The following ENTREP2 variants were observed in gnomAD, a reference collection of about 807,000 sequenced individuals.
ENTREP2 encodes the protein endosomal transmembrane epsin interactor 2, also known as protein ENTREP2.
At chr15:29,372,845 C>T in the ENTREP2 span, among the ~76,000 whole-genome samples, 1 of 151,944 alleles carries the variant, frequency 6.6e-6, no homozygotes, top group Non-Finnish European at 1.5e-5. Flanking sequence ...TGGTGGAAAA[C>T]ATTTCAAATG....
the ENTREP2 span, among the ~76,000 whole-genome samples, chr15:29,129,767 A>G: frequency 1.3e-5 from 2 of 152,128 alleles, no homozygotes; most frequent in Non-Finnish European, 2.9e-5. Context: ...TGCGTGGGCC[A>G]TGGTTTCCAC....
chr15:29,544,596 G>A, the ENTREP2 span, among the ~76,000 whole-genome samples: 1 of 152,274 alleles, frequency 6.6e-6, no homozygotes, highest in South Asian at 2.1e-4. Flanking sequence ...CTGGTCAGCA[G>A]GAAAAAGCTG....
the ENTREP2 span, among the ~76,000 whole-genome samples, chr15:29,562,287 G>A: frequency 6.6e-6 from 1 of 152,202 alleles, no homozygotes; most frequent in East Asian, 1.9e-4. Context: ...TCTACAGATT[G>A]GATAACAATG....
chr15:29,358,619 T>G, the ENTREP2 span, among the ~76,000 whole-genome samples: 1 of 152,136 alleles, frequency 6.6e-6, no homozygotes, highest in Non-Finnish European at 1.5e-5. Context: ...TAATAAATAT[T>G]TCCTAATTTA....
At chr15:29,482,270 A>G in the ENTREP2 span, among the ~76,000 whole-genome samples, 462 of 150,596 alleles carry the variant, frequency 3.1e-3, 2 homozygotes, top group African/African-American at 0.011. Flanking sequence ...TCAGCCTCCC[A>G]AAGTGCTGAG....
At chr15:29,466,319 G>A in the ENTREP2 span, among the ~76,000 whole-genome samples, 1 of 152,210 alleles carries the variant, frequency 6.6e-6, no homozygotes, top group Non-Finnish European at 1.5e-5. Flanking sequence ...GGTGGAGATG[G>A]TCAGCAGAGA....
the ENTREP2 span, among the ~76,000 whole-genome samples, chr15:29,425,806 CTA>C: frequency 8.6e-5 from 13 of 151,898 alleles, no homozygotes; most frequent in Non-Finnish European, 1.6e-4. Flanking sequence ...GCATAGATAT[CTA>C]TAGTCTCTAT....
At chr15:29,454,715 C>T in the ENTREP2 span, among the ~76,000 whole-genome samples, 75 of 152,300 alleles carry the variant, frequency 4.9e-4, no homozygotes, top group African/African-American at 1.8e-3. Context: ...ACGGAGTGAG[C>T]TTGGAGGTAG....
chr15:29,269,777 CCGCTAACGCCGGTGCCTGGAGGCGCG>C, the ENTREP2 span: 48 of 1,352,736 alleles, frequency 3.5e-5, no homozygotes, highest in South Asian at 7.7e-4. Flanking sequence ...GGTCGGCGAC[CCGCTAACGCCGGTGCCTGGAGGCGCG>C]CGCAGTGTCG....
chr15:29,470,532 C>T, the ENTREP2 span, among the ~76,000 whole-genome samples: 5 of 152,232 alleles, frequency 3.3e-5, no homozygotes, highest in Admixed American at 6.5e-5. Context: ...TCCTTCACCG[C>T]GGCTGCCGCT....
At chr15:29,135,365 G>A in the ENTREP2 span, among the ~76,000 whole-genome samples, 1 of 152,058 alleles carries the variant, frequency 6.6e-6, no homozygotes, top group Non-Finnish European at 1.5e-5. This position sits in a 1 kb window ranked among gnomAD's most constrained non-coding sequence, Gnocchi z 7.4. Flanking sequence ...GTATTTCAGG[G>A]ACACCAGTGA....
the ENTREP2 span, among the ~76,000 whole-genome samples, chr15:29,658,672 A>G: frequency 1.3e-5 from 2 of 152,236 alleles, no homozygotes; most frequent in African/African-American, 4.8e-5. Flanking sequence ...TCTACTCAAT[A>G]CAACACCCAA....
the ENTREP2 span, among the ~76,000 whole-genome samples, chr15:29,479,972 G>C: frequency 1.3e-5 from 2 of 152,072 alleles, no homozygotes; most frequent in African/African-American, 4.8e-5. Context: ...TGGAACCTCT[G>C]CATCAACAGA....
At chr15:29,164,374 T>C in the ENTREP2 span, among the ~76,000 whole-genome samples, 1 of 152,180 alleles carries the variant, frequency 6.6e-6, no homozygotes, top group African/African-American at 2.4e-5. Context: ...CTAAATGCTC[T>C]ACTTTAAGGA....
At chr15:29,542,424 G>C in the ENTREP2 span, among the ~76,000 whole-genome samples, 9 of 151,830 alleles carry the variant, frequency 5.9e-5, no homozygotes, top group African/African-American at 2.2e-4. Context: ...TCAGCTTCCC[G>C]AGTAGCTGGG....
the ENTREP2 span, chr15:29,570,515 G>A: frequency 2.1e-6 from 3 of 1,410,618 alleles, no homozygotes; most frequent in Non-Finnish European, 2.8e-6. Flanking sequence ...CGAGAAGCCT[G>A]CCCAGAAGGG....
chr15:29,432,327 G>A, the ENTREP2 span, among the ~76,000 whole-genome samples: 7 of 152,028 alleles, frequency 4.6e-5, no homozygotes, highest in South Asian at 2.1e-4. Context: ...TGTCTGCCCC[G>A]CACGCCTGCC....
At chr15:29,529,017 C>A in the ENTREP2 span, among the ~76,000 whole-genome samples, 1 of 151,232 alleles carries the variant, frequency 6.6e-6, no homozygotes, top group Non-Finnish European at 1.5e-5. Context: ...TCCAATTATA[C>A]TCTTTCTAGC....
chr15:29,644,797 C>T, the ENTREP2 span, among the ~76,000 whole-genome samples: 2 of 131,590 alleles, frequency 1.5e-5, no homozygotes, highest in African/African-American at 2.9e-5. Flanking sequence ...AGCGAGACTC[C>T]AAGACTCCAT....
Sources: allele counts gnomAD v4.1 joint callset (sites outside exome capture counted in the v4.1 genomes callset), GRCh38; gene constraint gnomAD v4.1.1; non-coding constraint Gnocchi (gnomAD v3.1); transcripts MANE v1.5; gene names NCBI Gene and HGNC (gene_info 2026-07-23, HGNC 2026-07-21).